The following KRT33A variants were observed in gnomAD, a reference collection of about 807,000 sequenced individuals.
KRT33A encodes the protein keratin, type I cuticular Ha3-I.
KRT33A carries 44 observed loss-of-function variants against 41.1 expected under a neutral mutation model. That is an observed-to-expected ratio of 1.07 (90% confidence interval 0.84 to 1.38). The LOEUF is 1.38. Among genes scored for constraint, KRT33A ranks in the 40% most tolerant of loss-of-function variants. The pLI, the probability that KRT33A is intolerant of heterozygous loss-of-function variation, is 0.00. For missense variants in KRT33A, 536 were observed against 518.5 expected (o/e 1.03, Z -0.33); for synonymous variants, 229 against 227.8 (o/e 1.01, Z -0.05).
chr17:41,350,285 G>A, intron 1 of KRT33A, 135 bp downstream of exon 1: 1 of 976,712 alleles, frequency 1.0e-6, no homozygotes, highest in Non-Finnish European at 1.5e-6. Flanking sequence ...TATTAGATGG[G>A]CCCTCAAAAA....
At position 41,346,917 on chromosome 17, in the gene KRT33A, T is replaced by A; in HGVS notation, c.803A>T (p.Tyr268Phe). ...TCTCAGCTCGATGATCTCCGCCTGG[T>A]AGGACTGCAGCTGCTCCGAGCTGGA... ...VVSSSEQLQSYQAEIIELRRT... is the reference protein window; with the variant it reads ...VVSSSEQLQSFQAEIIELRRT... The change falls in exon 5 of 7, where the codon TAC becomes TTC. Residue 268 changes from tyrosine (Y) to phenylalanine (F), a missense_variant. Transcript: ENST00000007735. 6.2e-7 allele frequency: 1 copy of A among 1,613,310 alleles called. No homozygotes were observed. The highest frequency in any genetic ancestry group is 8.5e-7 in the Non-Finnish European group (1 of 1,180,020).
rs746362358 is a variant in KRT33A, at chr17:41,346,142, G to A, written c.1192C>T (p.Pro398Ser). ...NPCGLRARCG[P>S]CNTFGY ...CTCTAGTACCCAAATGTGTTGCAAG[G>A]CCCACACCGAGCACGTAGGCCACAG... Residue 398 changes from proline (P) to serine (S), a missense_variant, in exon 7 of 7, where the codon CCT (proline) becomes TCT (serine). Pro to Ser is a moderately conservative substitution (Grantham distance 74, BLOSUM62 -1). Coordinates refer to ENST00000007735, the MANE Select transcript of KRT33A (RefSeq NM_004138.4). 3 of 1,613,804 alleles carry A rather than the reference G, an allele frequency of 1.9e-6. No homozygotes were observed. Among genetic ancestry groups the A allele is most frequent in the South Asian group, 1.1e-5 (1 of 91,062 alleles).
Position 41,349,349 on chromosome 17 carries a change from G to A in KRT33A, c.428C>T (p.Thr143Ile), listed in dbSNP as rs749687435. The change falls in exon 2 of 7, where the codon ACC becomes ATC. Residue 143 changes from threonine (T) to isoleucine (I), a missense_variant. By Grantham distance (89) the Thr-to-Ile change is moderately conservative. Transcript: ENST00000007735. ...NAKLASDDFR[T>I]KYETELSLRQ... ...AACACCCCGCTTGCCCACTCACTTG[G>A]TCCTGAAGTCATCTGAGGCCAGCTT... 15 of 1,614,038 alleles carry A rather than the reference G, an allele frequency of 9.3e-6. No individual in the cohort carries two copies. The highest frequency in any genetic ancestry group is 1.2e-5 in the Non-Finnish European group (14 of 1,179,972).
intron 1 of KRT33A, among the ~76,000 whole-genome samples, chr17:41,349,840 C>T (rs2017479619): frequency 6.6e-6 from 1 of 151,812 alleles, no homozygotes. Context: ...AGGGAAGAAG[C>T]CACATGTTCC....
chr17:41,349,306 A>G (rs773002961), intron 2 of KRT33A, 40 bp downstream of exon 2: 2 of 1,594,868 alleles, frequency 1.3e-6, no homozygotes, highest in East Asian at 2.2e-5. Flanking sequence ...GGGCTGCCAG[A>G]GAAGAGAAAT....
At position 41,346,635 on chromosome 17, in the gene KRT33A, C is replaced by T. The variant is rs374293948; in HGVS notation, c.910G>A (p.Glu304Lys). ...GACAGCTGGGAGCTGTAGCGGGCCT[C>T]GCTCTCTGTCAGCGTGTTTTCCAGA... is the stretch of plus-strand genomic sequence containing the variant. ...DSLENTLTESEARYSSQLSQV... is the reference protein window; with the variant it reads ...DSLENTLTESKARYSSQLSQV... Residue 304 changes from glutamate (E) to lysine (K), a missense_variant, in exon 6 of 7, where the codon GAG becomes AAG. By Grantham distance (56) the Glu-to-Lys change is moderately conservative (BLOSUM62 1). Transcript: ENST00000007735. 1.2e-6 allele frequency: 2 copies of T among 1,614,096 alleles called. No homozygotes were observed. The highest frequency in any genetic ancestry group is 2.7e-5 in the African/African-American group (2 of 74,932).
In KRT33A at chr17:41,346,438, C is replaced by T; in HGVS notation, c.1097+10G>A. On this transcript the variant is annotated intron_variant, in intron 6 of 6. Coordinates refer to ENST00000007735, the MANE Select transcript of KRT33A (RefSeq NM_004138.4). ...TGCCCCAAGGAGAAGATTACTACCC[C>T]CATACTGACTTGCAGTCCTCGCTCT... 1 of 1,613,964 alleles carries T rather than the reference C, an allele frequency of 6.2e-7. No individual in the cohort carries two copies. Among genetic ancestry groups the T allele is most frequent in the Non-Finnish European group, 8.5e-7 (1 of 1,179,914 alleles).
intron 3 of KRT33A, 149 bp from the exon 4 acceptor site, chr17:41,347,371 C>T: frequency 1.0e-6 from 1 of 985,388 alleles, no homozygotes; most frequent in Non-Finnish European, 1.4e-6. Flanking sequence ...TATTCAATGA[C>T]TAATTTGTAT....
At chr17:41,349,783 A>G (rs1205693584) in intron 1 of KRT33A, among the ~76,000 whole-genome samples, 1 of 151,792 alleles carries the variant, frequency 6.6e-6, no homozygotes, top group Non-Finnish European at 1.5e-5. Flanking sequence ...CTTTCAATCA[A>G]GCAGAAAAGA....
At chr17:41,349,964 G>A (rs1031267002) in intron 1 of KRT33A, among the ~76,000 whole-genome samples, 2 of 152,134 alleles carry the variant, frequency 1.3e-5, no homozygotes, top group African/African-American at 4.8e-5. Context: ...AAGCCCAGAG[G>A]CATGAAGGTG....
chr17:41,346,405 A>G, intron 6 of KRT33A, 43 bp downstream of exon 6: 2 of 1,610,572 alleles, frequency 1.2e-6, no homozygotes, highest in Non-Finnish European at 1.7e-6. Flanking sequence ...CTCCACAGCA[A>G]CCTAACATGC....
rs779533310 is a variant in KRT33A at position 41,350,467 on chromosome 17, C to A, written c.301G>T (p.Ala101Ser). 3 of 1,614,128 alleles carry A rather than the reference C, an allele frequency of 1.9e-6. No individual in the cohort carries two copies. Among genetic ancestry groups the A allele is most frequent in the South Asian group, 1.1e-5 (1 of 91,072 alleles). ...RSQQQEPLVC[A>S]SYQSYFKTIE... ...GTCTTGAAGTAGGACTGGTAGCTGGCACACACCAAGGGCTCCTGCTGCTGT... is the reference window on the plus strand; with the variant it reads ...GTCTTGAAGTAGGACTGGTAGCTGGAACACACCAAGGGCTCCTGCTGCTGT... The change falls in exon 1 of 7, where the codon GCC becomes TCC. Residue 101 changes from alanine to serine, a missense_variant. By Grantham distance (99) the Ala-to-Ser change is moderately conservative. Transcript: ENST00000007735.
intron 1 of KRT33A, among the ~76,000 whole-genome samples, chr17:41,350,072 A>G (rs1372129859): frequency 6.6e-6 from 1 of 152,196 alleles, no homozygotes; most frequent in Non-Finnish European, 1.5e-5. Flanking sequence ...AAAATGGCCC[A>G]GTCTTTACAA....
intron 6 of KRT33A, 68 bp downstream of exon 6, chr17:41,346,380 A>G: frequency 1.3e-6 from 2 of 1,599,950 alleles, no homozygotes; most frequent in East Asian, 2.2e-5. Context: ...CATTTCCATC[A>G]AGAAGACTAT....
At chr17:41,347,331 C>T (rs2017441406) in intron 3 of KRT33A, 109 bp from the exon 4 acceptor site, 1 of 1,303,380 alleles carries the variant, frequency 7.7e-7, no homozygotes, top group Non-Finnish European at 1.0e-6. Flanking sequence ...AAACTTTGTT[C>T]CCTCTGATCC....
Position 41,350,681 on chromosome 17 carries a change from G to C in KRT33A, c.87C>G (p.Cys29Trp). ...RPCVPPSCHG[C>W]TLPGACNIPA... ...GGATGTTGCAGGCCCCGGGCAGGGT[G>C]CAGCCGTGGCAGCTGGGGGGCACAC... The change falls in exon 1 of 7, where the codon TGC becomes TGG. Residue 29 changes from cysteine to tryptophan, a missense_variant. By Grantham distance (215) the Cys-to-Trp change is radical. Coordinates refer to ENST00000007735, the MANE Select transcript of KRT33A (RefSeq NM_004138.4). 6.2e-7 allele frequency: 1 copy of C among 1,612,232 alleles called. No individual in the cohort carries two copies. The highest frequency in any genetic ancestry group is 8.5e-7 in the Non-Finnish European group (1 of 1,179,984).
In KRT33A at chr17:41,346,252, C is replaced by G. The variant is rs751793820; in HGVS notation, c.1098-16G>C. The G allele has an allele frequency of 2.5e-6, 4 of 1,610,876 alleles. No homozygotes were observed. The African/African-American group carries it at 5.3e-5, about 22-fold the overall frequency. On this transcript the variant is annotated splice_polypyrimidine_tract_variant and intron_variant, in intron 6 of 6. Transcript: ENST00000007735. The stretch of plus-strand genomic sequence containing the variant: ...GGAGGGGAGCCTGTGGGCAGAAAAT[C>G]ATTGGAGCAAGTTAGAGTAAAATGA...
rs917945684 is a variant in KRT33A at position 41,346,895 on chromosome 17, C to A, written c.825G>T (p.Leu275=). 1.2e-6 allele frequency: 2 copies of A among 1,613,130 alleles called. No individual in the cohort carries two copies. Among genetic ancestry groups the A allele is most frequent in the Non-Finnish European group, 1.7e-6 (2 of 1,180,028 alleles). ...TCTCCAGGGCATTGACCGTGCGTCT[C>A]AGCTCGATGATCTCCGCCTGGTAGG... ...LQSYQAEIIE[L]RRTVNALEIE... Residue 275 remains leucine (L), a synonymous_variant, in exon 5 of 7, where the codon CTG becomes CTT. Coordinates refer to ENST00000007735, the MANE Select transcript of KRT33A (RefSeq NM_004138.4).
Position 41,350,335 on chromosome 17 carries a change from C to G in KRT33A, c.348+85G>C. 2.0e-6 allele frequency: 3 copies of G among 1,497,008 alleles called. No individual in the cohort carries two copies. The Admixed American group carries it at 5.9e-5, about 29-fold the overall frequency. The allele number at this position is 1,497,008 out of a possible 1,614,324, so 92.7% of individuals were successfully genotyped here. ...CCAGTTTTCAGCTTTTCATTCACAT[C>G]AAGAGCTTACGTTGTTTCTCAATCA... On this transcript the variant is annotated intron_variant, in intron 1 of 6. Transcript: ENST00000007735.
Sources: gnomAD v4.1 joint callset for allele counts (sites outside exome capture counted in the v4.1 genomes callset) on GRCh38, gnomAD v4.1.1 for gene constraint, MANE v1.5 for transcripts, NCBI Gene and HGNC (gene_info 2026-07-23, HGNC 2026-07-21) for gene names.